The following DDC variants were observed in gnomAD, a reference collection of about 807,000 sequenced individuals.
DDC encodes the protein dopa decarboxylase, also known as aromatic-L-amino-acid decarboxylase.
A neutral mutation model predicts 60.0 loss-of-function variants in DDC; 43 were observed. The ratio of observed to expected loss-of-function variants is 0.72; its 90% confidence interval spans 0.56 to 0.92. The LOEUF is 0.92. Among genes scored for constraint, DDC ranks in the 40% least tolerant of loss-of-function variants. The pLI, the probability that DDC is intolerant of heterozygous loss-of-function variation, is 0.00. For synonymous variants in DDC, 232 were observed against 234.6 expected (o/e 0.99, Z 0.10); for missense variants, 573 against 620.2 (o/e 0.92, Z 0.81).
chr7:50,468,409 A>G (rs894103893), intron 12 of DDC, among the ~76,000 whole-genome samples: 4 of 152,198 alleles, frequency 2.6e-5, no homozygotes, highest in African/African-American at 9.6e-5. Context: ...GTGGGGAGAT[A>G]AATCCCTTAT....
chr7:50,463,510 G>A (rs1377924861), intron 13 of DDC, 79 bp from the exon 14 acceptor site: 1 of 1,227,252 alleles, frequency 8.1e-7, no homozygotes, highest in East Asian at 2.3e-5. Context: ...GAAAGACAGT[G>A]CTTGGCAACC....
chr7:50,480,700 A>C (rs1406572984), intron 9 of DDC, among the ~76,000 whole-genome samples: 1 of 152,216 alleles, frequency 6.6e-6, no homozygotes, highest in Non-Finnish European at 1.5e-5. Flanking sequence ...GTCAAGAGGG[A>C]AAACCACAGA....
At chr7:50,493,313 A>G (rs1408549192) in intron 9 of DDC, among the ~76,000 whole-genome samples, 1 of 152,154 alleles carries the variant, frequency 6.6e-6, no homozygotes, top group Admixed American at 6.5e-5. Flanking sequence ...CCTCCTCCGG[A>G]CAGCCCATCA....
chr7:50,474,478 G>T (rs1034258861), intron 11 of DDC, among the ~76,000 whole-genome samples: 1 of 152,204 alleles, frequency 6.6e-6, no homozygotes, highest in Non-Finnish European at 1.5e-5. Context: ...AGAAGAACAG[G>T]CTGGGGAAGC....
chr7:50,480,873 G>A (rs2042753170), intron 9 of DDC, among the ~76,000 whole-genome samples: 2 of 152,152 alleles, frequency 1.3e-5, no homozygotes, highest in Non-Finnish European at 2.9e-5. Context: ...TCTGCACACA[G>A]AGCACTCACA....
chr7:50,494,890 G>A (rs973837147), intron 9 of DDC, among the ~76,000 whole-genome samples: 8 of 151,836 alleles, frequency 5.3e-5, no homozygotes, highest in African/African-American at 1.5e-4. Flanking sequence ...CTTGAACTCC[G>A]GACCTCAGGT....
At chr7:50,552,760 G>A (rs1339606765) in intron 1 of DDC, among the ~76,000 whole-genome samples, 1 of 152,084 alleles carries the variant, frequency 6.6e-6, no homozygotes, top group African/African-American at 2.4e-5. Flanking sequence ...ATGATATTTG[G>A]TCCTCTAGAC....
At chr7:50,490,329 G>T (rs887315692) in intron 9 of DDC, among the ~76,000 whole-genome samples, 4 of 152,094 alleles carry the variant, frequency 2.6e-5, no homozygotes, top group Non-Finnish European at 4.4e-5. Context: ...ATTCATACAG[G>T]TATCTATAGG....
intron 9 of DDC, among the ~76,000 whole-genome samples, chr7:50,488,105 A>C (rs2042923535): frequency 6.6e-6 from 1 of 152,118 alleles, no homozygotes; most frequent in Non-Finnish European, 1.5e-5. Flanking sequence ...TTAGCAGGGA[A>C]ATAACTTTAA....
Position 50,508,924 on chromosome 7 carries a change from C to T in DDC, c.715-4865G>A, listed in dbSNP as rs549381667. On this transcript the variant is annotated intron_variant, in intron 6 of 14. Transcript: ENST00000444124. ...CTTTTCTGATCTCTGTACGCTGCAG[C>T]CCTCTTCCCTCCAACAAGAAAGGCA... is the stretch of plus-strand genomic sequence containing the variant. 3.9e-5 allele frequency among the ~76,000 whole-genome samples: 6 copies of T among 152,162 alleles called. No individual in the cohort carries two copies. In the East Asian group the frequency reaches 1.2e-3, roughly 29 times the overall value.
chr7:50,505,120 A>T (rs1210317744), intron 6 of DDC, among the ~76,000 whole-genome samples: 1 of 152,198 alleles, frequency 6.6e-6, no homozygotes, highest in East Asian at 1.9e-4. Flanking sequence ...CCACGATCGC[A>T]CTGGCACAGC....
chr7:50,537,033 AGTT>A (rs1170018001), intron 4 of DDC, among the ~76,000 whole-genome samples: 5 of 88,264 alleles, frequency 5.7e-5, no homozygotes, highest in South Asian at 1.0e-3. Context: ...CATGCTAGGA[AGTT>A]GTTTTTTTTT....
chr7:50,539,916 C>A lies in DDC; in HGVS notation c.314G>T (p.Trp105Leu), dbSNP rs2044563811. The change falls in exon 3 of 15, where the codon TGG (tryptophan) becomes TTG (leucine). Residue 105 changes from tryptophan to leucine, a missense_variant and splice_region_variant. Physicochemically the swap from Trp to Leu is moderately conservative, Grantham distance 61 (BLOSUM62 -2). Transcript: ENST00000444124. Reference sequence around the variant, plus strand: ...CCCGAGGTGCATCCGGACCCTCACCCAGGAGAAGCCGATGCAGCCAATGGC... The same window carrying A: ...CCCGAGGTGCATCCGGACCCTCACCAAGGAGAAGCCGATGCAGCCAATGGC... Reference protein sequence around the residue: ...CGAIGCIGFSWAASPACTELE... With the variant: ...CGAIGCIGFSLAASPACTELE... 1 of 1,613,088 alleles carries A rather than the reference C, an allele frequency of 6.2e-7. No homozygotes were observed. The highest frequency in any genetic ancestry group is 1.1e-5 in the South Asian group (1 of 91,028).
chr7:50,492,825 C>A, intron 9 of DDC: 3 of 1,519,234 alleles, frequency 2.0e-6, no homozygotes, highest in Non-Finnish European at 2.6e-6. Context: ...GAAGAGTTGT[C>A]CGGGAGAGAT....
intron 1 of DDC, among the ~76,000 whole-genome samples, chr7:50,547,863 G>A (rs777914583): frequency 2.0e-5 from 3 of 152,112 alleles, no homozygotes; most frequent in African/African-American, 4.8e-5. Flanking sequence ...GGTACACCCC[G>A]TTTTATTGCA....
chr7:50,534,753 G>A (rs190773649), intron 4 of DDC, among the ~76,000 whole-genome samples: 12 of 152,326 alleles, frequency 7.9e-5, no homozygotes, highest in Non-Finnish European at 7.3e-5. Flanking sequence ...GCCCTTGCCT[G>A]GAATCAAAAC....
intron 6 of DDC, among the ~76,000 whole-genome samples, chr7:50,507,576 A>G (rs79465850): frequency 0.085 from 12,893 of 152,184 alleles, 725 homozygotes; most frequent in Non-Finnish European, 0.12. Context: ...CCCTTATTAA[A>G]ATTATTTTCT....
intron 1 of DDC, among the ~76,000 whole-genome samples, chr7:50,557,600 A>G (rs1182258195): frequency 6.6e-6 from 1 of 152,134 alleles, no homozygotes; most frequent in Non-Finnish European, 1.5e-5. Flanking sequence ...TCCTATTTGC[A>G]CTTATTAAGG....
chr7:50,553,540 G>A (rs10229102), intron 1 of DDC, among the ~76,000 whole-genome samples: 47,765 of 136,782 alleles, frequency 0.35, 8,353 homozygotes, highest in East Asian at 0.5. Context: ...AGGCTGGAAT[G>A]CAGTGGAACG....
Sources: gnomAD v4.1 joint callset for allele counts (sites outside exome capture counted in the v4.1 genomes callset) on GRCh38, gnomAD v4.1.1 for gene constraint, MANE v1.5 for transcripts, NCBI Gene and HGNC (gene_info 2026-07-23, HGNC 2026-07-21) for gene names.